Variants in RBFOX1 observed in about 807,000 individuals in gnomAD.
RBFOX1 encodes the protein RNA binding fox-1 homolog 1.
RBFOX1 carries 8 observed loss-of-function variants against 57.7 expected under a neutral mutation model. That is an observed-to-expected ratio of 0.14 (90% CI 0.08 to 0.25). RBFOX1 has a LOEUF of 0.25. Ranked by LOEUF, RBFOX1 falls within the 10% of genes least tolerant of loss-of-function variation. The probability of loss-of-function intolerance (pLI) is 1.00; values close to 1 mark genes in which losing one functional copy is unlikely to be tolerated. For synonymous variants in RBFOX1, 326 were observed against 222.4 expected (o/e 1.47, Z -4.15); for missense variants, 611 against 548.5 (o/e 1.11, Z -1.14).
At chr16:7,078,840 G>A (rs779288161) in intron 4 of RBFOX1, among the ~76,000 whole-genome samples, 8 of 127,132 alleles carry the variant, frequency 6.3e-5, no homozygotes, top group South Asian at 2.9e-4. Context: ...GTGCCACCAC[G>A]CCCAGCTAAT....
intron 5 of RBFOX1, among the ~76,000 whole-genome samples, chr16:7,572,104 G>C (rs1288677710): frequency 6.6e-6 from 1 of 152,154 alleles, no homozygotes; most frequent in South Asian, 2.1e-4. Context: ...TCCAGCCTGG[G>C]TGACAGAGTG....
chr16:7,448,518 G>A (rs1036814080), intron 4 of RBFOX1, among the ~76,000 whole-genome samples: 2 of 152,164 alleles, frequency 1.3e-5, no homozygotes, highest in African/African-American at 4.8e-5. Flanking sequence ...ACTGACTATG[G>A]TGAGAACAGC....
chr16:7,354,048 T>C (rs1568371825), intron 4 of RBFOX1, among the ~76,000 whole-genome samples: 1 of 152,216 alleles, frequency 6.6e-6, no homozygotes, highest in Non-Finnish European at 1.5e-5. Flanking sequence ...CTGGGCTCGC[T>C]GCAACCTCTA....
chr16:7,517,823 CAA>C (rs35825566), intron 4 of RBFOX1, among the ~76,000 whole-genome samples: 10 of 124,902 alleles, frequency 8.0e-5, no homozygotes, highest in African/African-American at 1.4e-4. Context: ...AAGGATCTGC[CAA>C]AAAAAAAAAA....
intron 4 of RBFOX1, among the ~76,000 whole-genome samples, chr16:7,373,057 G>A (rs567399275): frequency 1.3e-5 from 2 of 151,646 alleles, no homozygotes; most frequent in Admixed American, 6.6e-5. Flanking sequence ...TCAGCCTCCC[G>A]AGTAGCTGGG....
chr16:6,685,980 G>T (rs941263105), intron 3 of RBFOX1, among the ~76,000 whole-genome samples: 16 of 152,056 alleles, frequency 1.1e-4, no homozygotes, highest in Non-Finnish European at 2.2e-4. Flanking sequence ...AACCAAGCAG[G>T]TTCTGTCTAG....
intron 3 of RBFOX1, among the ~76,000 whole-genome samples, chr16:5,731,174 C>A (rs1028515664): frequency 2.0e-5 from 3 of 152,138 alleles, no homozygotes; most frequent in African/African-American, 7.2e-5. Flanking sequence ...TCATCATCAC[C>A]ACTGCCTTTG....
At chr16:7,070,653 C>A (rs1352465715) in intron 4 of RBFOX1, among the ~76,000 whole-genome samples, 1 of 152,140 alleles carries the variant, frequency 6.6e-6, no homozygotes. Flanking sequence ...TAATGCAGAG[C>A]CATCTCCCTT....
chr16:5,777,164 A>C (rs559768699), intron 3 of RBFOX1, among the ~76,000 whole-genome samples: 84 of 152,252 alleles, frequency 5.5e-4, no homozygotes, highest in African/African-American at 1.9e-3. Flanking sequence ...CAAAATCAGC[A>C]AGGTTGTTTT....
At chr16:5,335,550 G>C (rs1204804743) in intron 1 of RBFOX1, among the ~76,000 whole-genome samples, 1 of 152,156 alleles carries the variant, frequency 6.6e-6, no homozygotes, top group Non-Finnish European at 1.5e-5. Flanking sequence ...TCCCGTCACT[G>C]GGGGATTAGG....
chr16:7,171,694 A>G (rs1328366073), intron 4 of RBFOX1, among the ~76,000 whole-genome samples: 2 of 152,216 alleles, frequency 1.3e-5, no homozygotes, highest in African/African-American at 4.8e-5. Context: ...GTTATAGGGT[A>G]AGCAATGAGC....
intron 1 of RBFOX1, among the ~76,000 whole-genome samples, chr16:5,353,277 C>G (rs1024034554): frequency 3.3e-5 from 5 of 151,586 alleles, no homozygotes; most frequent in African/African-American, 1.2e-4. Flanking sequence ...ATTCAGCAGG[C>G]TGAGCCAGGA....
chr16:6,615,688 C>T (rs923047129), intron 2 of RBFOX1, among the ~76,000 whole-genome samples: 1 of 152,190 alleles, frequency 6.6e-6, no homozygotes, highest in African/African-American at 2.4e-5. Context: ...GCCTTTCCCT[C>T]TCCAGGAGAA....
chr16:7,443,585 T>G (rs1422940287), intron 4 of RBFOX1, among the ~76,000 whole-genome samples: 2 of 152,184 alleles, frequency 1.3e-5, no homozygotes, highest in South Asian at 2.1e-4. Flanking sequence ...CCTTGAAACA[T>G]AATTTTTAAG....
At chr16:7,344,473 C>G (rs1295953899) in intron 4 of RBFOX1, among the ~76,000 whole-genome samples, 1 of 149,768 alleles carries the variant, frequency 6.7e-6, no homozygotes, top group Non-Finnish European at 1.5e-5. Flanking sequence ...AAATATATAA[C>G]TACATAATGC....
intron 2 of RBFOX1, among the ~76,000 whole-genome samples, chr16:6,579,317 C>T (rs934216751): frequency 3.3e-5 from 5 of 152,106 alleles, no homozygotes; most frequent in African/African-American, 1.2e-4. Context: ...AGTCCTCCCA[C>T]CTCGGTCTCT....
chr16:6,033,099 A>T (rs2095313585), intron 1 of RBFOX1, among the ~76,000 whole-genome samples: 1 of 152,126 alleles, frequency 6.6e-6, no homozygotes, highest in South Asian at 2.1e-4. Context: ...TTACGTTGTT[A>T]CCGTGAGCAC....
rs1012246697 is a variant in RBFOX1, at chr16:7,712,417, C to T, written c.*1672C>T. 3 of 152,576 alleles carry T rather than the reference C, an allele frequency of 2.0e-5. No individual in the cohort carries two copies. The highest frequency in any genetic ancestry group is 7.2e-5 in the African/African-American group (3 of 41,424). The allele number at this position is 152,576 out of a possible 1,614,324, so 9.5% of individuals were successfully genotyped here. ...AAAACTTTAAAAAAAAATGTGTGAT[C>T]CAGCTTTCTCTTGCCATCCTATGTG... On this transcript the variant is annotated 3_prime_UTR_variant, in exon 16 of 16. Transcript: ENST00000550418.
In RBFOX1 at chr16:5,474,931, C is replaced by G. The variant is rs567795196; in HGVS notation, c.258+7677C>G. Among the ~76,000 whole-genome samples the G allele has an allele frequency of 2.0e-5, 3 of 152,244 alleles. No homozygotes were observed. The East Asian group carries it at 5.8e-4, about 29-fold the overall frequency. On this transcript the variant is annotated intron_variant, in intron 2 of 2. Transcript: ENST00000585867. ...TGAACCTTTTATTAATAGAAAATGA[C>G]CATCTTGAGCTTGGCTGATGCATCC...
Sources: gnomAD v4.1 joint callset for allele counts (sites outside exome capture counted in the v4.1 genomes callset) on GRCh38, gnomAD v4.1.1 for gene constraint, MANE v1.5 for transcripts, NCBI Gene and HGNC (gene_info 2026-07-23, HGNC 2026-07-21) for gene names.